Variants in FOXJ3 observed in about 807,000 individuals in gnomAD.
FOXJ3 encodes forkhead box protein J3.
FOXJ3 carries 22 observed loss-of-function variants against 76.1 expected under a neutral mutation model. The ratio of observed to expected loss-of-function variants is 0.29; its 90% CI spans 0.21 to 0.41. The LOEUF (loss-of-function observed/expected upper bound fraction) is 0.41. Among genes scored for constraint, FOXJ3 ranks in the 10% least tolerant of loss-of-function variants. FOXJ3 has a pLI of 1.00. For synonymous variants in FOXJ3, 269 were observed against 261.2 expected, an observed-to-expected ratio of 1.03 and a Z score of -0.29; for missense variants, 613 against 762.1, an observed-to-expected ratio of 0.80 and a Z score of 2.30.
At chr1:42,243,046 T>C (rs1649274489) in intron 4 of FOXJ3, among the ~76,000 whole-genome samples, 2 of 152,288 alleles carry the variant, frequency 1.3e-5, no homozygotes, top group Middle Eastern at 3.4e-3. Flanking sequence ...ATTCAAGTGC[T>C]GGAAGAACAC....
At chr1:42,317,391 C>T (rs1437378863) in intron 1 of FOXJ3, among the ~76,000 whole-genome samples, 9 of 151,860 alleles carry the variant, frequency 5.9e-5, no homozygotes, top group Non-Finnish European at 1.2e-4. Context: ...AACCTGAAGG[C>T]AGAGGTGCAT....
intron 2 of FOXJ3, among the ~76,000 whole-genome samples, chr1:42,306,544 C>T (rs1036483274): frequency 2.6e-5 from 4 of 151,954 alleles, no homozygotes; most frequent in Admixed American, 1.3e-4. Flanking sequence ...CCTCGTGATC[C>T]GCCCACCTTG....
At chr1:42,331,918 G>C (rs1306581383) in intron 1 of FOXJ3, among the ~76,000 whole-genome samples, 1 of 151,634 alleles carries the variant, frequency 6.6e-6, no homozygotes, top group African/African-American at 2.4e-5. Context: ...CTTTTTTTAA[G>C]GAAATACTAA....
At chr1:42,236,261 G>A (rs1648620822) in intron 4 of FOXJ3, among the ~76,000 whole-genome samples, 2 of 152,178 alleles carry the variant, frequency 1.3e-5, no homozygotes, top group African/African-American at 4.8e-5. Context: ...CACAATCATA[G>A]ATCAATGCAA....
At position 42,179,615 on chromosome 1, in the gene FOXJ3, T is replaced by C; in HGVS notation, c.*95A>G. Reference sequence around the variant, plus strand: ...ATTTTGATAACATTGGTAAAGTGATTAGCAAGTTTGTTTTCTCAACTGGAT... The same window carrying C: ...ATTTTGATAACATTGGTAAAGTGATCAGCAAGTTTGTTTTCTCAACTGGAT... On this transcript the variant is annotated 3_prime_UTR_variant, in exon 13 of 13. Transcript: ENST00000361346. The C allele has an allele frequency of 1.4e-6, 1 of 731,844 alleles. No individual in the cohort carries two copies. The highest frequency in any genetic ancestry group is 1.7e-5 in the South Asian group (1 of 57,696). The allele number at this position is 731,844 out of a possible 1,614,324, so 45.3% of individuals were successfully genotyped here.
intron 1 of FOXJ3, among the ~76,000 whole-genome samples, chr1:42,324,104 G>GTGTATATATAGTGTATATATAAACTA (rs776964079): frequency 2.2e-5 from 2 of 88,954 alleles, no homozygotes; most frequent in Non-Finnish European, 4.1e-5. Context: ...TATATACTGT[G>GTGTATATATAGTGTATATATAAACTA]TATATACACT....
At chr1:42,280,335 A>G in intron 2 of FOXJ3, 2 of 981,336 alleles carry the variant, frequency 2.0e-6, no homozygotes, top group Non-Finnish European at 2.4e-6. Context: ...ATGTTGATCC[A>G]TAATTTTACC....
chr1:42,188,097 C>A (rs1413759362), intron 11 of FOXJ3, among the ~76,000 whole-genome samples: 1 of 152,010 alleles, frequency 6.6e-6, no homozygotes, highest in Admixed American at 6.6e-5. Context: ...ATATAACATA[C>A]AGAAAAGAAG....
At position 42,309,305 on chromosome 1, in the gene FOXJ3, G is replaced by A. The variant is rs540676992; in HGVS notation, c.44+1745C>T. ...CCTCCACTCCTCCTCAAACATACAAGGCAGCCTCCTGCCTTGGACCTTCCT... is the reference window on the plus strand; with the variant it reads ...CCTCCACTCCTCCTCAAACATACAAAGCAGCCTCCTGCCTTGGACCTTCCT... On this transcript the variant is annotated intron_variant, in intron 2 of 12. Transcript: ENST00000361346. Among the ~76,000 whole-genome samples the A allele has an allele frequency of 9.2e-5, 14 of 152,158 alleles. No individual in the cohort carries two copies. In the South Asian group the frequency reaches 2.9e-3, roughly 32 times the overall value.
At chr1:42,272,961 A>T (rs1651970409) in intron 3 of FOXJ3, among the ~76,000 whole-genome samples, 2 of 152,108 alleles carry the variant, frequency 1.3e-5, no homozygotes, top group Admixed American at 1.3e-4. Flanking sequence ...TCTTCTTCAA[A>T]ACACAGCTCA....
At chr1:42,294,529 A>G in intron 2 of FOXJ3, among the ~76,000 whole-genome samples, 1 of 152,214 alleles carries the variant, frequency 6.6e-6, no homozygotes, top group Non-Finnish European at 1.5e-5. Flanking sequence ...GAAGCCGAGG[A>G]AGGCAGATCA....
rs537560961 is a variant in FOXJ3, at chr1:42,178,151, G to C, written c.*1559C>G. ...CCCGTAAGAGGGGCTGCATTTCAAA[G>C]AAAGGGACCAAATGTCATGCATACA... On this transcript the variant is annotated 3_prime_UTR_variant, in exon 13 of 13. Coordinates refer to ENST00000361346, the MANE Select transcript of FOXJ3 (RefSeq NM_014947.5). The C allele has an allele frequency of 3.3e-5, 5 of 152,516 alleles. No homozygotes were observed. The South Asian group carries it at 8.3e-4, about 25-fold the overall frequency. The allele number at this position is 152,516 out of a possible 1,614,324, so 9.4% of individuals were successfully genotyped here.
At chr1:42,260,247 G>T (rs1045811421) in intron 4 of FOXJ3, among the ~76,000 whole-genome samples, 7 of 151,866 alleles carry the variant, frequency 4.6e-5, no homozygotes, top group Non-Finnish European at 8.8e-5. Flanking sequence ...ATTTTTTAAA[G>T]AAAATGACCA....
chr1:42,219,467 G>A, intron 5 of FOXJ3, among the ~76,000 whole-genome samples: 1 of 152,152 alleles, frequency 6.6e-6, no homozygotes, highest in East Asian at 1.9e-4. Flanking sequence ...TGGGGGTCTT[G>A]GAACGTATAC....
At chr1:42,323,758 C>A (rs979182807) in intron 1 of FOXJ3, 1 of 843,178 alleles carries the variant, frequency 1.2e-6, no homozygotes, top group African/African-American at 1.8e-5. Flanking sequence ...TGAATAATCA[C>A]CTTCAAATAA....
chr1:42,278,530 T>C lies in FOXJ3; in HGVS notation c.187A>G (p.Asn63Asp), dbSNP rs749278562. ...ISKKNALLDPNTTLDQEEVQQ... is the reference protein window; with the variant it reads ...ISKKNALLDPDTTLDQEEVQQ... ...ACTTCTTCCTGGTCCAGAGTTGTAT[T>C]TGGGTCAAGGAGTGCATTCTTCTTA... Residue 63 changes from asparagine (N) to aspartate (D), a missense_variant, in exon 3 of 13, where the codon AAT (asparagine) becomes GAT (aspartate). Asn to Asp is a conservative substitution (Grantham distance 23). This residue lies in a region of FOXJ3 where 77 missense variants were observed against 115.1 expected (regional missense o/e 0.67). Coordinates refer to ENST00000361346, the MANE Select transcript of FOXJ3 (RefSeq NM_014947.5). The C allele has an allele frequency of 6.2e-7, 1 of 1,614,164 alleles. No homozygotes were observed. The highest frequency in any genetic ancestry group is 1.7e-5 in the Admixed American group (1 of 60,028).
intron 7 of FOXJ3, 32 bp from the exon 8 acceptor site, chr1:42,195,096 CCTCT>C: frequency 2.6e-6 from 4 of 1,518,106 alleles, no homozygotes; most frequent in Non-Finnish European, 3.6e-6. Flanking sequence ...ACTAATTCAG[CCTCT>C]CTACTAATTA....
rs145648740 is a variant in FOXJ3 at position 42,248,317 on chromosome 1, G to A, written c.444+16798C>T. On this transcript the variant is annotated intron_variant, in intron 4 of 12. Coordinates refer to ENST00000361346, the MANE Select transcript of FOXJ3 (RefSeq NM_014947.5). The stretch of plus-strand genomic sequence containing the variant: ...TGGGAGGCTGAGGTGGGCCGATCAC[G>A]AGGTCAGGAGATCAAGACCAACCTC... Among the ~76,000 whole-genome samples the A allele has an allele frequency of 9.8e-3, 1,486 of 152,150 alleles. 30 individuals carry two copies. The highest frequency in any genetic ancestry group is 0.034 in the African/African-American group (1,431 of 41,486).
chr1:42,235,703 C>T, intron 4 of FOXJ3, among the ~76,000 whole-genome samples: 1 of 152,088 alleles, frequency 6.6e-6, no homozygotes. Flanking sequence ...GCTGGGATTA[C>T]AGGCGCCCGC....
Sources: gnomAD v4.1 joint callset for allele counts (sites outside exome capture counted in the v4.1 genomes callset) on GRCh38, gnomAD v4.1.1 for gene constraint, gnomAD v4.1.1 regional missense constraint, MANE v1.5 for transcripts, NCBI Gene and HGNC (gene_info 2026-07-23, HGNC 2026-07-21) for gene names.